The following NCKAP5 variants were observed in gnomAD, a reference collection of about 807,000 sequenced individuals.
NCKAP5 encodes the protein NCK associated protein 5, also known as nck-associated protein 5.
NCKAP5 carries 92 observed loss-of-function variants against 167.0 expected under a neutral mutation model. The observed-to-expected ratio is 0.55, with a 90% CI of 0.47 to 0.66. The LOEUF is 0.66. Among genes scored for constraint, NCKAP5 ranks in the 30% least tolerant of loss-of-function variants. The probability of loss-of-function intolerance (pLI) is 0.00; values close to 1 mark genes in which losing one functional copy is unlikely to be tolerated. For synonymous variants in NCKAP5, 891 were observed against 877.4 expected (o/e 1.02, Z -0.27); for missense variants, 2,378 against 2,315.0 (o/e 1.03, Z -0.56).
At chr2:133,652,415 G>T in the NCKAP5 span, among the ~76,000 whole-genome samples, 8 of 152,192 alleles carry the variant, frequency 5.3e-5, no homozygotes, top group African/African-American at 1.9e-4. Context: ...GTACATAAAT[G>T]CAGGAAGACT....
chr2:133,074,562 A>G (rs1365580163), intron 6 of NCKAP5, among the ~76,000 whole-genome samples: 1 of 152,036 alleles, frequency 6.6e-6, no homozygotes, highest in African/African-American at 2.4e-5. Flanking sequence ...GGATTTCACC[A>G]TGTTGCCCAG....
chr2:132,824,919 G>T (rs563710699), intron 11 of NCKAP5, among the ~76,000 whole-genome samples: 50 of 152,292 alleles, frequency 3.3e-4, no homozygotes, highest in African/African-American at 1.1e-3. Context: ...TGTATTTGAA[G>T]CCATGGAGAT....
chr2:132,756,615 T>A (rs1338472113), intron 16 of NCKAP5, among the ~76,000 whole-genome samples: 1 of 152,020 alleles, frequency 6.6e-6, no homozygotes, highest in Non-Finnish European at 1.5e-5. Context: ...TAAAAAAAAA[T>A]TTAGGTTGTA....
chr2:133,379,471 G>T (rs1364261400), intron 3 of NCKAP5, among the ~76,000 whole-genome samples: 1 of 152,100 alleles, frequency 6.6e-6, no homozygotes, highest in Non-Finnish European at 1.5e-5. Context: ...AGTGAAGGGA[G>T]GAAAGTTACC....
chr2:133,585,577 A>G, the NCKAP5 span, among the ~76,000 whole-genome samples: 1 of 152,254 alleles, frequency 6.6e-6, no homozygotes, highest in Non-Finnish European at 1.5e-5. Flanking sequence ...CATGGATTAT[A>G]CACCACTTCC....
intron 8 of NCKAP5, among the ~76,000 whole-genome samples, chr2:132,932,582 A>T (rs1438908278): frequency 2.0e-5 from 3 of 152,210 alleles, no homozygotes; most frequent in Non-Finnish European, 2.9e-5. Flanking sequence ...TGCAATGGGA[A>T]AGGTGACAAC....
At chr2:133,559,607 C>T (rs1288477123) in intron 1 of NCKAP5, among the ~76,000 whole-genome samples, 1 of 152,074 alleles carries the variant, frequency 6.6e-6, no homozygotes, top group Non-Finnish European at 1.5e-5. Flanking sequence ...AGCGTGAGCC[C>T]CTCACCCAGC....
intron 8 of NCKAP5, among the ~76,000 whole-genome samples, chr2:132,918,389 CT>C (rs1191517007): frequency 2.6e-5 from 4 of 152,060 alleles, no homozygotes. Flanking sequence ...TGACCTGTTC[CT>C]TGAGGATTTC....
intron 5 of NCKAP5, among the ~76,000 whole-genome samples, chr2:133,186,434 TG>T (rs2084950043): frequency 6.6e-6 from 1 of 152,142 alleles, no homozygotes; most frequent in Non-Finnish European, 1.5e-5. Flanking sequence ...ACTGTGTCTC[TG>T]CAAGGTTTTA....
chr2:133,053,747 A>G (rs1461759213), intron 6 of NCKAP5, among the ~76,000 whole-genome samples: 3 of 152,286 alleles, frequency 2.0e-5, no homozygotes, highest in East Asian at 1.9e-4. Flanking sequence ...GTGTCTCTGC[A>G]TAACTTTGGT....
intron 3 of NCKAP5, among the ~76,000 whole-genome samples, chr2:133,508,271 C>T (rs960324392): frequency 1.3e-5 from 2 of 152,162 alleles, no homozygotes; most frequent in Non-Finnish European, 2.9e-5. Flanking sequence ...AACTCAAGGA[C>T]ACCATAGATT....
chr2:133,101,212 T>C (rs1256099015), intron 6 of NCKAP5, among the ~76,000 whole-genome samples: 1 of 144,672 alleles, frequency 6.9e-6, no homozygotes, highest in South Asian at 2.3e-4. Flanking sequence ...CAGATAGTTG[T>C]AGATATGTGG....
At chr2:132,871,498 G>A (rs551881354) in intron 9 of NCKAP5, among the ~76,000 whole-genome samples, 173 of 152,026 alleles carry the variant, frequency 1.1e-3, no homozygotes, top group African/African-American at 4.1e-3. Context: ...CTCCCAATTG[G>A]TCTCTCACTG....
intron 8 of NCKAP5, among the ~76,000 whole-genome samples, chr2:132,939,657 C>T (rs565856575): frequency 3.3e-5 from 5 of 151,944 alleles, no homozygotes; most frequent in Non-Finnish European, 7.4e-5. Context: ...GTGGCGATTT[C>T]TGAGAGTTCA....
chr2:133,042,205 G>C (rs1399855647), intron 6 of NCKAP5, among the ~76,000 whole-genome samples: 4 of 152,064 alleles, frequency 2.6e-5, no homozygotes, highest in Non-Finnish European at 5.9e-5. Flanking sequence ...CAATTTCCAA[G>C]TTTCTATATA....
chr2:133,123,597 T>C (rs1361812625), intron 6 of NCKAP5: 2 of 285,390 alleles, frequency 7.0e-6, no homozygotes, highest in South Asian at 3.4e-5. Flanking sequence ...GATGTGGAAA[T>C]AGCAATTCCA....
At chr2:133,365,824 C>T (rs972819923) in intron 3 of NCKAP5, among the ~76,000 whole-genome samples, 4 of 152,102 alleles carry the variant, frequency 2.6e-5, no homozygotes, top group African/African-American at 9.7e-5. Context: ...TAGAGATATA[C>T]TGTCTGAAAA....
intron 19 of NCKAP5, among the ~76,000 whole-genome samples, chr2:132,724,023 C>T (rs548279542): frequency 8.5e-4 from 129 of 152,264 alleles, no homozygotes; most frequent in African/African-American, 2.8e-3. Flanking sequence ...CAGCAACATG[C>T]GAGCCTCCTG....
chr2:133,439,472 C>T (rs1690697349), intron 3 of NCKAP5, among the ~76,000 whole-genome samples: 2 of 152,188 alleles, frequency 1.3e-5, no homozygotes, highest in Non-Finnish European at 2.9e-5. Flanking sequence ...AAGAGCAAAG[C>T]CCTATTTCAA....
Sources: gnomAD v4.1 joint callset for allele counts (sites outside exome capture counted in the v4.1 genomes callset) on GRCh38, gnomAD v4.1.1 for gene constraint, MANE v1.5 for transcripts, NCBI Gene and HGNC (gene_info 2026-07-23, HGNC 2026-07-21) for gene names.